Variants in SYN3 observed in about 807,000 individuals in gnomAD.
SYN3 encodes synapsin III.
In SYN3, 35 loss-of-function variants were observed where a neutral mutation model predicts 65.8. The observed-to-expected ratio is 0.53, with a 90% CI of 0.41 to 0.70. SYN3 has a LOEUF of 0.70. SYN3 is among the 30% of genes least tolerant of loss of function. The pLI, the probability that SYN3 is intolerant of heterozygous loss-of-function variation, is 0.00. For synonymous variants in SYN3, 270 were observed against 292.9 expected (o/e 0.92, Z 0.80); for missense variants, 680 against 749.0 (o/e 0.91, Z 1.08).
chr22:32,734,460 T>C (rs1011727653), intron 6 of SYN3, among the ~76,000 whole-genome samples: 1 of 152,126 alleles, frequency 6.6e-6, no homozygotes, highest in African/African-American at 2.4e-5. Flanking sequence ...TAACCAGGTC[T>C]CTTCCCTGAG....
chr22:32,567,153 C>T (rs2058682372), intron 7 of SYN3, among the ~76,000 whole-genome samples: 2 of 152,110 alleles, frequency 1.3e-5, no homozygotes, highest in Non-Finnish European at 2.9e-5. Flanking sequence ...CCCACTAGGG[C>T]CCTGCTGGGG....
At chr22:32,705,463 T>C (rs564329905) in intron 6 of SYN3, among the ~76,000 whole-genome samples, 1 of 152,356 alleles carries the variant, frequency 6.6e-6, no homozygotes, top group Non-Finnish European at 1.5e-5. Context: ...TGTAGCCTTG[T>C]AGTATAGTTT....
At chr22:33,052,374 C>G (rs2054182214) in intron 1 of SYN3, among the ~76,000 whole-genome samples, 1 of 151,898 alleles carries the variant, frequency 6.6e-6, no homozygotes, top group African/African-American at 2.4e-5. Flanking sequence ...TTTGAAATCT[C>G]TTCTCTAAAG....
At chr22:33,030,953 A>C (rs2053744707) in intron 1 of SYN3, among the ~76,000 whole-genome samples, 1 of 152,218 alleles carries the variant, frequency 6.6e-6, no homozygotes, top group Admixed American at 6.5e-5. Flanking sequence ...AGAAAGACAG[A>C]TATACATAGA....
intron 1 of SYN3, among the ~76,000 whole-genome samples, chr22:33,045,533 T>G (rs561301779): frequency 7.0e-6 from 1 of 142,172 alleles, no homozygotes; most frequent in Non-Finnish European, 1.5e-5. Context: ...AGTGGCATGA[T>G]CTCAGCTCAC....
chr22:32,527,686 C>A, intron 12 of SYN3: 1 of 442,994 alleles, frequency 2.3e-6, no homozygotes, highest in East Asian at 3.7e-5. Flanking sequence ...GGGACATTCC[C>A]TGGCACAGTG....
chr22:32,720,348 T>A (rs148011137), intron 6 of SYN3, among the ~76,000 whole-genome samples: 1 of 152,336 alleles, frequency 6.6e-6, no homozygotes, highest in East Asian at 1.9e-4. Context: ...AGTTTATGTG[T>A]CTCTTCTCAT....
chr22:32,641,868 T>C (rs1164375649), intron 6 of SYN3, among the ~76,000 whole-genome samples: 1 of 152,052 alleles, frequency 6.6e-6, no homozygotes, highest in Non-Finnish European at 1.5e-5. Flanking sequence ...TCCTGAGAAA[T>C]TGGGGGACCT....
intron 6 of SYN3, among the ~76,000 whole-genome samples, chr22:32,778,277 T>A (rs5749507): frequency 0.57 from 86,639 of 151,864 alleles, 25,269 homozygotes; most frequent in African/African-American, 0.7. Context: ...GGAAAAGGTG[T>A]TCTGTGATGT....
At chr22:32,656,721 G>A (rs1228189274) in intron 6 of SYN3, among the ~76,000 whole-genome samples, 1 of 152,060 alleles carries the variant, frequency 6.6e-6, no homozygotes, top group Non-Finnish European at 1.5e-5. Context: ...TTGTTTTTTT[G>A]TTTGTTTTTT....
At chr22:32,977,618 C>G (rs1487203070) in intron 3 of SYN3, among the ~76,000 whole-genome samples, 2 of 151,736 alleles carry the variant, frequency 1.3e-5, no homozygotes, top group Admixed American at 1.3e-4. Context: ...GTGGCAGGTG[C>G]TTGTAGTCCC....
intron 7 of SYN3, among the ~76,000 whole-genome samples, chr22:32,565,203 C>T (rs1329891842): frequency 6.7e-6 from 1 of 150,108 alleles, no homozygotes; most frequent in Admixed American, 6.6e-5. Flanking sequence ...TCGGACTGCA[C>T]CTAAACAGTG....
intron 1 of SYN3, among the ~76,000 whole-genome samples, chr22:33,036,322 G>T (rs2053858848): frequency 6.6e-6 from 1 of 152,162 alleles, no homozygotes; most frequent in Admixed American, 6.5e-5. Context: ...ACCAGAATAC[G>T]CTATCCCAAA....
At chr22:32,851,763 T>C (rs2048224305) in intron 6 of SYN3, among the ~76,000 whole-genome samples, 1 of 152,192 alleles carries the variant, frequency 6.6e-6, no homozygotes. Context: ...GCCATCTTAA[T>C]CATCAGTCAC....
intron 4 of SYN3, among the ~76,000 whole-genome samples, chr22:32,884,607 C>T (rs1293589099): frequency 6.6e-6 from 1 of 152,166 alleles, no homozygotes; most frequent in Non-Finnish European, 1.5e-5. Context: ...TGGCCGGGTG[C>T]GGTGGCTCAC....
intron 6 of SYN3, among the ~76,000 whole-genome samples, chr22:32,769,879 C>A (rs2045723814): frequency 6.6e-6 from 1 of 152,168 alleles, no homozygotes; most frequent in Non-Finnish European, 1.5e-5. Flanking sequence ...ACACTCCCTC[C>A]CCTATTGATC....
chr22:32,911,998 C>T (rs1254026737), intron 4 of SYN3, among the ~76,000 whole-genome samples: 1 of 152,254 alleles, frequency 6.6e-6, no homozygotes, highest in Admixed American at 6.5e-5. Context: ...GACACTGAAC[C>T]TCTCTGAGCC....
At chr22:32,763,323 T>G (rs77082547) in intron 6 of SYN3, among the ~76,000 whole-genome samples, 1 of 151,980 alleles carries the variant, frequency 6.6e-6, no homozygotes, top group Admixed American at 6.6e-5. Context: ...ATTTTTTTTT[T>G]GCATTATTTA....
chr22:32,984,161 C>CAAAAAAAAAAAAAAAAAA (rs35678412), intron 2 of SYN3, among the ~76,000 whole-genome samples: 2 of 92,986 alleles, frequency 2.2e-5, no homozygotes, highest in Non-Finnish European at 2.1e-5. Flanking sequence ...AAACTCCATC[C>CAAAAAAAAAAAAAAAAAA]AAAAAAAAAA....
Sources: allele counts gnomAD v4.1 joint callset (sites outside exome capture counted in the v4.1 genomes callset), GRCh38; gene constraint gnomAD v4.1.1; transcripts MANE v1.5; gene names NCBI Gene and HGNC (gene_info 2026-07-23, HGNC 2026-07-21).